The following CSMD2 variants were observed in gnomAD, a reference collection of about 807,000 sequenced individuals.
CSMD2 encodes the protein CUB and sushi domain-containing protein 2.
CSMD2 carries 130 observed loss-of-function variants against 398.5 expected under a neutral mutation model. That is an observed-to-expected ratio of 0.33 (90% CI 0.28 to 0.38). CSMD2 has a LOEUF of 0.38. Ranked by LOEUF, CSMD2 falls within the 10% of genes least tolerant of loss-of-function variation. CSMD2 has a pLI of 1.00. For synonymous variants in CSMD2, 1,828 were observed against 1,908.5 expected, an observed-to-expected ratio of 0.96 and a Z score of 1.10; for missense variants, 3,829 against 4,764.9, an observed-to-expected ratio of 0.80 and a Z score of 5.78.
At chr1:34,161,573 T>C (rs528630040) in intron 1 of CSMD2, among the ~76,000 whole-genome samples, 184 of 152,182 alleles carry the variant, frequency 1.2e-3, no homozygotes, top group Non-Finnish European at 2.2e-3. Flanking sequence ...GAGAAATTCA[T>C]CCAAAGTGGC....
chr1:33,810,601 G>A (rs544010249), intron 10 of CSMD2, 142 bp downstream of exon 10: 10 of 728,394 alleles, frequency 1.4e-5, no homozygotes, highest in African/African-American at 4.7e-5. Flanking sequence ...TTATCCACTC[G>A]ATATTAATAA....
intron 12 of CSMD2, among the ~76,000 whole-genome samples, chr1:33,774,110 TG>T (rs1651643825): frequency 2.9e-5 from 1 of 34,688 alleles, no homozygotes; most frequent in African/African-American, 1.2e-4. Context: ...GCTGGGATTG[TG>T]TGTGTGTGTG....
chr1:33,597,467 C>G (rs1639918453), intron 44 of CSMD2, among the ~76,000 whole-genome samples: 1 of 152,164 alleles, frequency 6.6e-6, no homozygotes, highest in African/African-American at 2.4e-5. Flanking sequence ...GTCTGGGGAG[C>G]AGACATTTCA....
intron 3 of CSMD2, among the ~76,000 whole-genome samples, chr1:34,031,929 C>T (rs1437155585): frequency 2.6e-5 from 4 of 152,040 alleles, no homozygotes; most frequent in Non-Finnish European, 5.9e-5. Context: ...GCATAATTAC[C>T]TATTAATGAG....
At chr1:33,693,092 T>G in intron 24 of CSMD2, 36 bp from the exon 25 acceptor site, 1 of 1,556,844 alleles carries the variant, frequency 6.4e-7, no homozygotes, top group African/African-American at 1.4e-5. Context: ...CTTCATGGGG[T>G]GGCCTGAGCT....
At chr1:33,675,066 AAC>A (rs1644654966) in intron 25 of CSMD2, among the ~76,000 whole-genome samples, 1 of 152,234 alleles carries the variant, frequency 6.6e-6, no homozygotes. Flanking sequence ...AGGAAGAGCA[AAC>A]ACATTCAAAA....
chr1:33,812,040 C>CGGA (rs1236970408), intron 9 of CSMD2, among the ~76,000 whole-genome samples: 1 of 152,100 alleles, frequency 6.6e-6, no homozygotes, highest in Admixed American at 6.5e-5. Flanking sequence ...GGACACCCTT[C>CGGA]CTAGGAGGGT....
intron 21 of CSMD2, among the ~76,000 whole-genome samples, chr1:33,713,224 A>G (rs1452833397): frequency 6.6e-6 from 1 of 152,154 alleles, no homozygotes; most frequent in Admixed American, 6.5e-5. Context: ...GCATGAGTGC[A>G]CAGCCTGGGC....
At chr1:33,832,645 A>G (rs1659727329) in intron 6 of CSMD2, among the ~76,000 whole-genome samples, 1 of 150,806 alleles carries the variant, frequency 6.6e-6, no homozygotes, top group Admixed American at 6.6e-5. Context: ...AGAAATAACT[A>G]AAATCAGAGC....
chr1:33,826,687 G>C (rs1196416504), intron 6 of CSMD2, among the ~76,000 whole-genome samples: 3 of 152,178 alleles, frequency 2.0e-5, no homozygotes, highest in Non-Finnish European at 4.4e-5. Flanking sequence ...AAAGGTGCCA[G>C]AGCCAGAACT....
Position 33,514,121 on chromosome 1 carries a change from T to C in CSMD2, c.*2503A>G, listed in dbSNP as rs1653544789. The stretch of plus-strand genomic sequence containing the variant: ...GGGAAGCCTCATATACAGAGACAGA[T>C]AAATTAAATGTATATACTGCAGACA... On this transcript the variant is annotated 3_prime_UTR_variant, in exon 71 of 71. Coordinates refer to ENST00000373381, the MANE Select transcript of CSMD2 (RefSeq NM_001281956.2). 4 of 152,626 alleles carry C rather than the reference T, an allele frequency of 2.6e-5. No individual in the cohort carries two copies. In the South Asian group the frequency reaches 8.3e-4, roughly 32 times the overall value. The allele number at this position is 152,626 out of a possible 1,614,324, so 9.5% of individuals were successfully genotyped here.
chr1:33,756,953 T>C (rs1020367159), intron 13 of CSMD2, among the ~76,000 whole-genome samples: 5 of 152,144 alleles, frequency 3.3e-5, no homozygotes, highest in Admixed American at 6.5e-5. Context: ...GTGGCACATA[T>C]ACACCATGGA....
At chr1:33,659,513 G>A (rs1223719319) in intron 26 of CSMD2, among the ~76,000 whole-genome samples, 1 of 152,134 alleles carries the variant, frequency 6.6e-6, no homozygotes, top group Admixed American at 6.5e-5. Context: ...AACAATTTAA[G>A]GAAAAACTAC....
At chr1:33,782,671 A>T (rs770873715) in intron 12 of CSMD2, among the ~76,000 whole-genome samples, 16 of 152,170 alleles carry the variant, frequency 1.1e-4, no homozygotes, top group Non-Finnish European at 1.9e-4. Flanking sequence ...ATTATGACTG[A>T]GTAGATCCTC....
At chr1:34,022,193 A>T (rs1452902765) in intron 3 of CSMD2, among the ~76,000 whole-genome samples, 1 of 152,306 alleles carries the variant, frequency 6.6e-6, no homozygotes, top group East Asian at 1.9e-4. Context: ...AACTGTGAAG[A>T]GTGATCCTAA....
chr1:33,802,007 C>T lies in CSMD2; in HGVS notation c.1446+8736G>A, dbSNP rs962384430. On this transcript the variant is annotated intron_variant, in intron 10 of 70. Transcript: ENST00000373381. ...AGTTCTGGTACCTACCCTAGACCCA[C>T]TGAATCAGATCTTTGGGGAAAAGAG... Among the ~76,000 whole-genome samples, 2 of 152,340 alleles carry T rather than the reference C, an allele frequency of 1.3e-5. 1 individual carries two copies. The highest frequency in any genetic ancestry group is 2.9e-5 in the Non-Finnish European group (2 of 68,036).
intron 1 of CSMD2, among the ~76,000 whole-genome samples, chr1:34,108,049 T>G (rs940881790): frequency 6.6e-6 from 1 of 152,216 alleles, no homozygotes; most frequent in Non-Finnish European, 1.5e-5. Context: ...CCATTAATAT[T>G]TGTCAAGTAA....
chr1:34,120,601 A>G (rs1199111742), intron 1 of CSMD2, among the ~76,000 whole-genome samples: 1 of 152,110 alleles, frequency 6.6e-6, no homozygotes, highest in East Asian at 1.9e-4. Context: ...CTGGAGTACA[A>G]TGGCGCAATC....
intron 5 of CSMD2, among the ~76,000 whole-genome samples, chr1:33,906,934 CAGAA>C (rs1348468792): frequency 1.3e-4 from 20 of 152,060 alleles, no homozygotes; most frequent in Non-Finnish European, 1.0e-4. Context: ...CAAGAAGAAT[CAGAA>C]AGAGTGGCAT....
Sources: allele counts gnomAD v4.1 joint callset (sites outside exome capture counted in the v4.1 genomes callset), GRCh38; gene constraint gnomAD v4.1.1; transcripts MANE v1.5; gene names NCBI Gene and HGNC (gene_info 2026-07-23, HGNC 2026-07-21).